The following FOXP2 variants were observed in gnomAD, a reference collection of about 807,000 sequenced individuals.
FOXP2 encodes the protein forkhead box protein P2.
A neutral mutation model predicts 115.8 loss-of-function variants in FOXP2; 12 were observed. The observed-to-expected ratio is 0.10, with a 90% confidence interval of 0.07 to 0.17. FOXP2 has a LOEUF of 0.17. Among genes scored for constraint, FOXP2 ranks in the 10% least tolerant of loss-of-function variants. The probability of loss-of-function intolerance (pLI) is 1.00; values close to 1 mark genes in which losing one functional copy is unlikely to be tolerated. For synonymous variants in FOXP2, 328 were observed against 297.7 expected, an observed-to-expected ratio of 1.10 and a Z score of -1.05; for missense variants, 629 against 843.5, an observed-to-expected ratio of 0.75 and a Z score of 3.15.
chr7:114,386,715 A>G (rs923425237), intron 2 of FOXP2, among the ~76,000 whole-genome samples: 1 of 152,216 alleles, frequency 6.6e-6, no homozygotes, highest in Non-Finnish European at 1.5e-5. Flanking sequence ...GACAAGAGGG[A>G]AAAGGAGAGG....
rs565528966 is a variant in FOXP2, at chr7:114,483,942, A to G, written c.169-50675A>G. 3.3e-5 allele frequency among the ~76,000 whole-genome samples: 5 copies of G among 151,918 alleles called. No individual in the cohort carries two copies. The East Asian group carries it at 9.7e-4, about 29-fold the overall frequency. On this transcript the variant is annotated intron_variant, in intron 2 of 16. Transcript: ENST00000350908. ...AATTTACTGGTCTACTTCTTCTAGT[A>G]CTATAAGACATGAGAGCATTTTAAA...
At chr7:114,628,889 A>C in intron 4 of FOXP2, 1 of 555,686 alleles carries the variant, frequency 1.8e-6, no homozygotes, top group South Asian at 2.1e-5. Context: ...GTCTAGAATA[A>C]GAGCAGAGAG....
chr7:114,474,076 A>T (rs893847646), intron 2 of FOXP2, among the ~76,000 whole-genome samples: 3 of 152,206 alleles, frequency 2.0e-5, no homozygotes, highest in African/African-American at 7.2e-5. Flanking sequence ...TCTTAAAAAC[A>T]TAAGGTAGAT....
intron 3 of FOXP2, among the ~76,000 whole-genome samples, chr7:114,619,226 G>T (rs1804106867): frequency 6.6e-6 from 1 of 151,684 alleles, no homozygotes; most frequent in Non-Finnish European, 1.5e-5. Flanking sequence ...TTTGAAAAAA[G>T]AAATGGCCAC....
At chr7:114,306,568 T>C (rs529729768) in intron 2 of FOXP2, among the ~76,000 whole-genome samples, 14 of 152,270 alleles carry the variant, frequency 9.2e-5, no homozygotes, top group African/African-American at 2.4e-4. Flanking sequence ...CAGAAGCTCA[T>C]GGAGAATGTC....
At chr7:114,306,677 C>T (rs1265281197) in intron 2 of FOXP2, among the ~76,000 whole-genome samples, 1 of 152,136 alleles carries the variant, frequency 6.6e-6, no homozygotes, top group East Asian at 1.9e-4. Flanking sequence ...CTTATTATCT[C>T]ATAGTTCTGG....
chr7:114,322,795 G>A (rs1797458089), intron 2 of FOXP2, among the ~76,000 whole-genome samples: 1 of 152,122 alleles, frequency 6.6e-6, no homozygotes, highest in Non-Finnish European at 1.5e-5. Flanking sequence ...AAGTTGTGTT[G>A]TGATATTTTG....
chr7:114,547,010 A>G (rs1484162408), intron 3 of FOXP2, among the ~76,000 whole-genome samples: 1 of 152,228 alleles, frequency 6.6e-6, no homozygotes, highest in Non-Finnish European at 1.5e-5. Flanking sequence ...ACAAGTATTA[A>G]AGTATGATAA....
At position 114,663,435 on chromosome 7, in the gene FOXP2, TA is replaced by T. The variant is rs1434714484; in HGVS notation, c.1770-14del. On this transcript the variant is annotated splice_polypyrimidine_tract_variant and intron_variant, in intron 14 of 16. Transcript: ENST00000350908. ...TTTTGACGTATAAATGATCTTTATATATTTTTTTTTTCAGAAGTCCAACCTT... is the reference window on the plus strand; with the variant it reads ...TTTTGACGTATAAATGATCTTTATATTTTTTTTTTTCAGAAGTCCAACCTT... 3 of 1,401,456 alleles carry T rather than the reference TA, an allele frequency of 2.1e-6. No individual in the cohort carries two copies. Among genetic ancestry groups the T allele is most frequent in the East Asian group, 2.3e-5 (1 of 44,080 alleles). 86.8% of individuals were successfully genotyped at this position (1,401,456 alleles called of 1,614,324 possible). A position where few individuals can be genotyped will look rare whatever the true frequency, so the allele number is the denominator to read the frequency against.
intron 3 of FOXP2, among the ~76,000 whole-genome samples, chr7:114,599,272 G>A (rs538499620): frequency 6.6e-6 from 1 of 152,144 alleles, no homozygotes; most frequent in Non-Finnish European, 1.5e-5. Flanking sequence ...AAGGGTTTTC[G>A]TCTAAACAAA....
At chr7:114,306,909 G>T (rs573128201) in intron 2 of FOXP2, among the ~76,000 whole-genome samples, 1 of 152,174 alleles carries the variant, frequency 6.6e-6, no homozygotes, top group South Asian at 2.1e-4. Context: ...GGCCTCCTCT[G>T]CCTACCTCTT....
At chr7:114,419,744 A>ACACC (rs1793531204) in intron 1 of FOXP2, 1 of 152,290 alleles carries the variant, frequency 6.6e-6, no homozygotes, top group Non-Finnish European at 1.5e-5. Flanking sequence ...ACACACACAC[A>ACACC]CACCCCAGAA....
At chr7:114,342,901 C>T (rs1443873875) in intron 2 of FOXP2, among the ~76,000 whole-genome samples, 2 of 151,394 alleles carry the variant, frequency 1.3e-5, no homozygotes, top group African/African-American at 4.8e-5. Flanking sequence ...GAAAAGTTTA[C>T]TATGTTCTCA....
chr7:114,429,803 A>G (rs1794023568), intron 2 of FOXP2, among the ~76,000 whole-genome samples: 1 of 151,598 alleles, frequency 6.6e-6, no homozygotes, highest in South Asian at 2.1e-4. Flanking sequence ...AGAGTATTTG[A>G]ATAACCATTT....
chr7:114,612,279 C>T (rs1326395588), intron 3 of FOXP2, among the ~76,000 whole-genome samples: 2 of 151,924 alleles, frequency 1.3e-5, no homozygotes, highest in Admixed American at 1.3e-4. Context: ...GGAAGAGCAA[C>T]ACAGGGCATC....
At chr7:114,469,148 C>T (rs938171383) in intron 2 of FOXP2, among the ~76,000 whole-genome samples, 1 of 152,070 alleles carries the variant, frequency 6.6e-6, no homozygotes, top group African/African-American at 2.4e-5. Flanking sequence ...CAGAGCTGTC[C>T]CCTTGTCTTT....
intron 1 of FOXP2, among the ~76,000 whole-genome samples, chr7:114,154,573 A>G (rs530721390): frequency 7.2e-4 from 109 of 152,242 alleles, no homozygotes; most frequent in African/African-American, 2.4e-3. Context: ...GTGTAAATAT[A>G]TAAGTGAAAT....
intron 1 of FOXP2, among the ~76,000 whole-genome samples, chr7:114,249,081 T>G (rs1795364845): frequency 6.6e-6 from 1 of 152,208 alleles, no homozygotes; most frequent in Non-Finnish European, 1.5e-5. Flanking sequence ...ATTATATGTA[T>G]AGAATGTCAG....
upstream of FOXP2, among the ~76,000 whole-genome samples, chr7:114,161,512 T>C (rs1397030280): frequency 6.9e-6 from 1 of 143,972 alleles, no homozygotes; most frequent in Non-Finnish European, 1.5e-5. Flanking sequence ...TTTTTTGGCT[T>C]TGTTTTAACT....
Sources: gnomAD v4.1 joint callset for allele counts (sites outside exome capture counted in the v4.1 genomes callset) on GRCh38, gnomAD v4.1.1 for gene constraint, MANE v1.5 for transcripts, NCBI Gene and HGNC (gene_info 2026-07-23, HGNC 2026-07-21) for gene names.